Variants in ZMYM2 observed in about 807,000 individuals in gnomAD.
ZMYM2 encodes the protein zinc finger MYM-type protein 2.
Under a neutral mutation model 162.8 loss-of-function variants are expected in ZMYM2, and 56 were observed. The ratio of observed to expected loss-of-function variants is 0.34; its 90% CI spans 0.28 to 0.43. The LOEUF is 0.43. Ranked by LOEUF, ZMYM2 falls within the 20% of genes least tolerant of loss-of-function variation. The pLI is 1.00. For missense variants in ZMYM2, 1,275 were observed against 1,621.8 expected, an observed-to-expected ratio of 0.79 and a Z score of 3.67; for synonymous variants, 510 against 541.6, an observed-to-expected ratio of 0.94 and a Z score of 0.81.
chr13:19,889,379 C>T, the ZMYM2 span, among the ~76,000 whole-genome samples: 40 of 152,092 alleles, frequency 2.6e-4, no homozygotes, highest in Admixed American at 3.3e-4. Flanking sequence ...AGCCCAATGG[C>T]GCAATCTTGG....
chr13:19,881,046 G>A, the ZMYM2 span, among the ~76,000 whole-genome samples: 2 of 151,406 alleles, frequency 1.3e-5, no homozygotes, highest in Non-Finnish European at 1.5e-5. Flanking sequence ...GTGCCACCAC[G>A]CCCAGCTAAT....
chr13:19,993,118 C>A lies in ZMYM2; in HGVS notation c.46C>A (p.Pro16Thr), dbSNP rs1407007029. 2.9e-5 allele frequency: 47 copies of A among 1,613,746 alleles called. No homozygotes were observed. Among genetic ancestry groups the A allele is most frequent in the Non-Finnish European group, 4.0e-5 (47 of 1,179,924 alleles). The change falls in exon 3 of 25, where the codon CCT becomes ACT. Residue 16 changes from proline (P) to threonine (T), a missense_variant. Around this residue, in one of 10 missense-constraint regions of ZMYM2, gnomAD observed 295 missense variants for 286.7 expected, o/e 1.03. Transcript: ENST00000610343. ...VGGLELTDQT[P>T]VLLGSTAMAT... ...AGGATTAGAATTGACTGATCAGACT[C>A]CTGTTTTATTAGGGAGTACGGCCAT...
intron 2 of ZMYM2, among the ~76,000 whole-genome samples, chr13:19,960,386 A>C (rs569049824): frequency 6.6e-6 from 1 of 152,392 alleles, no homozygotes; most frequent in Non-Finnish European, 1.5e-5. Flanking sequence ...AATGCTGTGC[A>C]TGCAACCTGA....
At chr13:19,886,583 C>G in the ZMYM2 span, among the ~76,000 whole-genome samples, 1 of 151,820 alleles carries the variant, frequency 6.6e-6, no homozygotes, top group African/African-American at 2.4e-5. Flanking sequence ...TTGTTTTTCA[C>G]GATTTATTGA....
chr13:19,958,993 G>A (rs1021956748), intron 1 of ZMYM2, among the ~76,000 whole-genome samples, 152 bp downstream of exon 1: 1 of 151,910 alleles, frequency 6.6e-6, no homozygotes, highest in Non-Finnish European at 1.5e-5. Flanking sequence ...CCACCGACCC[G>A]GGATTAATAC....
At chr13:19,903,906 GT>G in the ZMYM2 span, among the ~76,000 whole-genome samples, 3 of 151,984 alleles carry the variant, frequency 2.0e-5, no homozygotes, top group Admixed American at 2.0e-4. Context: ...GTTTAGGGAG[GT>G]TTTTTGGGGG....
the ZMYM2 span, among the ~76,000 whole-genome samples, chr13:19,943,790 C>A: frequency 6.6e-6 from 1 of 152,090 alleles, no homozygotes; most frequent in Non-Finnish European, 1.5e-5. Context: ...GGTATATGTG[C>A]CCAAGTGTGA....
At chr13:19,878,389 G>GT in the ZMYM2 span, among the ~76,000 whole-genome samples, 1 of 151,958 alleles carries the variant, frequency 6.6e-6, no homozygotes, top group African/African-American at 2.4e-5. Flanking sequence ...TCTAATTGAT[G>GT]TAAGGTGGTA....
At position 20,058,421 on chromosome 13, in the gene ZMYM2, A is replaced by C. The variant is rs376771672; in HGVS notation, c.2494-154A>C. Among the ~76,000 whole-genome samples the C allele has an allele frequency of 1.1e-3, 173 of 152,342 alleles. 1 individual carries two copies. In the Middle Eastern group the frequency reaches 0.017, roughly 15 times the overall value. ...AGATTCATATTGATCCTTATAGATT[A>C]AGAGTATGGTGAACATAGGGATAAT... On this transcript the variant is annotated intron_variant, in intron 14 of 24. Coordinates refer to ENST00000610343, the MANE Select transcript of ZMYM2 (RefSeq NM_197968.4).
At chr13:20,041,701 T>G (rs1429365424) in intron 12 of ZMYM2, among the ~76,000 whole-genome samples, 1 of 152,226 alleles carries the variant, frequency 6.6e-6, no homozygotes, top group African/African-American at 2.4e-5. Flanking sequence ...TTTCCATATT[T>G]AGTGCTTCCT....
intron 2 of ZMYM2, among the ~76,000 whole-genome samples, chr13:19,965,041 C>T (rs564121607): frequency 7.4e-6 from 1 of 134,908 alleles, no homozygotes; most frequent in East Asian, 2.0e-4. Context: ...ACATATGTAA[C>T]TAACCTGCAC....
At chr13:19,918,099 G>A in the ZMYM2 span, among the ~76,000 whole-genome samples, 1 of 151,796 alleles carries the variant, frequency 6.6e-6, no homozygotes, top group Admixed American at 6.6e-5. Flanking sequence ...AAATATAAAG[G>A]TGATAATATC....
At chr13:20,063,030 A>ATT in intron 18 of ZMYM2, 59 bp downstream of exon 18, 2 of 1,505,530 alleles carry the variant, frequency 1.3e-6, no homozygotes, top group Non-Finnish European at 1.8e-6. Flanking sequence ...GGTTATGATC[A>ATT]TTTACCATTT....
At chr13:19,919,680 C>CTT in the ZMYM2 span, among the ~76,000 whole-genome samples, 8 of 137,356 alleles carry the variant, frequency 5.8e-5, no homozygotes, top group African/African-American at 1.8e-4. Context: ...TTTTCTTTTT[C>CTT]TTTTTTTTTT....
At chr13:20,069,044 C>T (rs891110355) in intron 21 of ZMYM2, among the ~76,000 whole-genome samples, 8 of 152,150 alleles carry the variant, frequency 5.3e-5, no homozygotes, top group Non-Finnish European at 8.8e-5. Context: ...GTTCCTCTCC[C>T]TAAGGACGTG....
chr13:20,077,774 C>G (rs1957609930), intron 21 of ZMYM2, among the ~76,000 whole-genome samples: 1 of 151,884 alleles, frequency 6.6e-6, no homozygotes, highest in Non-Finnish European at 1.5e-5. Flanking sequence ...CCACAAAGGC[C>G]TCTATTCCTT....
At chr13:20,060,990 T>G in intron 16 of ZMYM2, 63 bp from the exon 17 acceptor site, 1 of 1,498,570 alleles carries the variant, frequency 6.7e-7, no homozygotes, top group Non-Finnish European at 9.0e-7. Flanking sequence ...AGAGTAATTT[T>G]TAATTTGGAA....
At chr13:19,955,686 C>G (rs544637629), upstream of ZMYM2, among the ~76,000 whole-genome samples, 2 of 151,970 alleles carry the variant, frequency 1.3e-5, no homozygotes, top group Non-Finnish European at 2.9e-5. Flanking sequence ...CAGTGGTGCG[C>G]TCTCGGCTCA....
At chr13:19,954,152 G>A (rs1257626992), upstream of ZMYM2, among the ~76,000 whole-genome samples, 2 of 6,814 alleles carry the variant, frequency 2.9e-4, 1 homozygote, top group Middle Eastern at 0.5. Context: ...TTTTTTAGAC[G>A]GAGTCTCACT....
Sources: allele counts gnomAD v4.1 joint callset (sites outside exome capture counted in the v4.1 genomes callset), GRCh38; gene constraint gnomAD v4.1.1; regional missense constraint gnomAD v4.1.1; transcripts MANE v1.5; gene names NCBI Gene and HGNC (gene_info 2026-07-23, HGNC 2026-07-21).